The following CAB39 variants were observed in gnomAD, a reference collection of about 807,000 sequenced individuals.
CAB39 encodes calcium-binding protein 39.
CAB39 carries 8 observed loss-of-function variants against 40.0 expected under a neutral mutation model. The ratio of observed to expected loss-of-function variants is 0.20; its 90% CI spans 0.12 to 0.36. The LOEUF (loss-of-function observed/expected upper bound fraction) is 0.36. Among genes scored for constraint, CAB39 ranks in the 10% least tolerant of loss-of-function variants. The pLI, the probability that CAB39 is intolerant of heterozygous loss-of-function variation, is 1.00. For synonymous variants in CAB39, 156 were observed against 141.6 expected (o/e 1.10, Z -0.72); for missense variants, 270 against 401.1 (o/e 0.67, Z 2.79).
At chr2:230,766,332 C>T (rs1695384806) in intron 2 of CAB39, among the ~76,000 whole-genome samples, 1 of 152,036 alleles carries the variant, frequency 6.6e-6, no homozygotes, top group Non-Finnish European at 1.5e-5. Context: ...TAAACATTTA[C>T]AAAATACAAG....
rs146820041 is a variant in CAB39 at position 230,819,037 on chromosome 2, C to T, written c.*333C>T. ...AGAGGGCACTGATATCAGATTAGAC[C>T]TATGTGTTTGCACCCATCTTTGTTG... On this transcript the variant is annotated 3_prime_UTR_variant, in exon 9 of 9. Coordinates refer to ENST00000258418, the MANE Select transcript of CAB39 (RefSeq NM_016289.4). The T allele has an allele frequency of 1.0e-3, 213 of 211,278 alleles. 1 individual carries two copies. The highest frequency in any genetic ancestry group is 4.8e-3 in the African/African-American group (206 of 42,738). 13.1% of individuals were successfully genotyped at this position (211,278 alleles called of 1,614,324 possible).
At chr2:230,773,314 A>ATATATATGTGTGTGTGTGTGTG (rs371297550) in intron 2 of CAB39, among the ~76,000 whole-genome samples, 16 of 132,678 alleles carry the variant, frequency 1.2e-4, no homozygotes, top group African/African-American at 4.6e-4. Context: ...ATATATATAT[A>ATATATATGTGTGTGTGTGTGTG]TGTGTGTGTG....
At chr2:230,813,503 G>A (rs1057299589) in intron 6 of CAB39, among the ~76,000 whole-genome samples, 3 of 151,962 alleles carry the variant, frequency 2.0e-5, no homozygotes, top group Non-Finnish European at 2.9e-5. Flanking sequence ...CTTCGTTGTC[G>A]GCCTGGTTAA....
chr2:230,797,490 A>G (rs1414682781), intron 4 of CAB39, among the ~76,000 whole-genome samples: 1 of 151,118 alleles, frequency 6.6e-6, no homozygotes, highest in Non-Finnish European at 1.5e-5. Context: ...CTGAAACAAA[A>G]TAATGATGCC....
intron 2 of CAB39, among the ~76,000 whole-genome samples, chr2:230,764,961 T>C (rs1191321557): frequency 6.6e-6 from 1 of 152,226 alleles, no homozygotes; most frequent in Non-Finnish European, 1.5e-5. Context: ...AAATTTTTAC[T>C]GCTTCAGGAA....
chr2:230,811,144 C>T (rs753024831), intron 6 of CAB39, among the ~76,000 whole-genome samples: 12 of 152,172 alleles, frequency 7.9e-5, no homozygotes, highest in Non-Finnish European at 1.5e-4. Context: ...CTTAAAACTC[C>T]TGTCTATCCT....
intron 2 of CAB39, among the ~76,000 whole-genome samples, chr2:230,781,796 C>T (rs943071888): frequency 6.6e-6 from 1 of 152,200 alleles, no homozygotes; most frequent in African/African-American, 2.4e-5. Flanking sequence ...GGCATAGTCC[C>T]TAATGCAAGC....
intron 4 of CAB39, among the ~76,000 whole-genome samples, chr2:230,798,238 T>TC (rs1309255832): frequency 6.6e-6 from 1 of 152,204 alleles, no homozygotes; most frequent in Non-Finnish European, 1.5e-5. Flanking sequence ...GCTGAGAGTC[T>TC]CCAAGTACTA....
intron 1 of CAB39, among the ~76,000 whole-genome samples, chr2:230,732,388 A>C (rs995149337): frequency 1.3e-5 from 2 of 152,116 alleles, no homozygotes; most frequent in Admixed American, 6.6e-5. Context: ...GGCCGAAATT[A>C]TCTCTTAACA....
chr2:230,772,876 GA>G (rs1281390732), intron 2 of CAB39, among the ~76,000 whole-genome samples: 1 of 149,978 alleles, frequency 6.7e-6, no homozygotes, highest in Non-Finnish European at 1.5e-5. Context: ...ATATGTTCAT[GA>G]AAAGACTTTT....
intron 4 of CAB39, among the ~76,000 whole-genome samples, chr2:230,794,731 G>A (rs1489311876): frequency 6.6e-6 from 1 of 152,126 alleles, no homozygotes; most frequent in Non-Finnish European, 1.5e-5. Context: ...ACAACTAGAG[G>A]GAATATGTAA....
At chr2:230,733,844 A>G (rs375644498) in intron 1 of CAB39, among the ~76,000 whole-genome samples, 1 of 152,258 alleles carries the variant, frequency 6.6e-6, no homozygotes. Flanking sequence ...AGTTTAGGAT[A>G]GCCAGGGGAA....
At chr2:230,786,357 GGGGGT>G (rs1247999693) in intron 2 of CAB39, among the ~76,000 whole-genome samples, 1 of 151,226 alleles carries the variant, frequency 6.6e-6, no homozygotes, top group African/African-American at 2.4e-5. Flanking sequence ...CCTTTTTTTG[GGGGGT>G]GGGGTGGGGA....
chr2:230,793,949 A>G (rs1400850266), intron 4 of CAB39, among the ~76,000 whole-genome samples: 2 of 152,212 alleles, frequency 1.3e-5, no homozygotes, highest in African/African-American at 2.4e-5. Context: ...ACCGAACCAT[A>G]GAACCAAATG....
chr2:230,798,960 C>G, intron 5 of CAB39, 63 bp downstream of exon 5: 1 of 1,239,012 alleles, frequency 8.1e-7, no homozygotes, highest in Non-Finnish European at 1.1e-6. Flanking sequence ...TTTTCTAAAC[C>G]TTCATTGCCC....
intron 1 of CAB39, among the ~76,000 whole-genome samples, chr2:230,751,225 G>A (rs1695080117): frequency 1.3e-5 from 2 of 152,158 alleles, no homozygotes; most frequent in Non-Finnish European, 2.9e-5. Context: ...CACGAAGTTC[G>A]TGAGTCAGAT....
At chr2:230,763,591 C>CA (rs946866086) in intron 2 of CAB39, among the ~76,000 whole-genome samples, 370 of 130,676 alleles carry the variant, frequency 2.8e-3, no homozygotes, top group African/African-American at 7.5e-3. Context: ...GATTCTGTCT[C>CA]AAAAAAAAAA....
intron 1 of CAB39, among the ~76,000 whole-genome samples, chr2:230,759,556 TA>T (rs1342011678): frequency 6.6e-6 from 1 of 152,128 alleles, no homozygotes; most frequent in African/African-American, 2.4e-5. Flanking sequence ...ACTTCACCAG[TA>T]AATAGGAGCA....
chr2:230,792,742 A>G (rs747027248), intron 3 of CAB39, among the ~76,000 whole-genome samples: 1 of 152,218 alleles, frequency 6.6e-6, no homozygotes, highest in Non-Finnish European at 1.5e-5. Context: ...GCCCAGCTTC[A>G]TACAGAATTA....
Sources: allele counts gnomAD v4.1 joint callset (sites outside exome capture counted in the v4.1 genomes callset), GRCh38; gene constraint gnomAD v4.1.1; transcripts MANE v1.5; gene names NCBI Gene and HGNC (gene_info 2026-07-23, HGNC 2026-07-21).